Variants in AFF2 observed in about 807,000 individuals in gnomAD.
AFF2 encodes AF4/FMR2 family member 2.
AFF2 carries 14 observed loss-of-function variants against 76.9 expected under a neutral mutation model. The observed-to-expected ratio is 0.18, with a 90% CI of 0.12 to 0.28. The LOEUF is 0.28. AFF2 is among the 10% of genes least tolerant of loss of function. AFF2 has a pLI of 1.00. For missense variants in AFF2, 868 were observed against 1,001.1 expected, an observed-to-expected ratio of 0.87 and a Z score of 1.79; for synonymous variants, 398 against 366.7, an observed-to-expected ratio of 1.09 and a Z score of -0.98.
At chrX:148,987,622 A>C (rs1479545444) in intron 20 of AFF2, 65 bp downstream of exon 20, 1 of 985,043 alleles carries the variant, frequency 1.0e-6, no homozygotes, top group African/African-American at 1.9e-5. Context: ...ACTTTGAAGG[A>C]CTTGAGTTGT....
At chrX:148,710,463 T>A (rs2054953083) in intron 3 of AFF2, among the ~76,000 whole-genome samples, 1 of 111,966 alleles carries the variant, frequency 8.9e-6, no homozygotes, top group South Asian at 3.7e-4. Flanking sequence ...ATTTTATAAA[T>A]AACATAGCAT....
At chrX:148,817,602 AG>A (rs1248096317) in intron 4 of AFF2, among the ~76,000 whole-genome samples, 2 of 112,302 alleles carry the variant, frequency 1.8e-5, no homozygotes, top group African/African-American at 6.5e-5. Context: ...AAATTTGCAA[AG>A]TACTTTTTAG....
chrX:148,673,069 T>C (rs1449533358), intron 3 of AFF2, among the ~76,000 whole-genome samples: 2 of 112,166 alleles, frequency 1.8e-5, no homozygotes, highest in African/African-American at 6.5e-5. Context: ...AGACAGAATT[T>C]GTGACATTTA....
At chrX:148,734,146 TGTC>T (rs1395296388) in intron 3 of AFF2, among the ~76,000 whole-genome samples, 5 of 111,835 alleles carry the variant, frequency 4.5e-5, no homozygotes, top group Non-Finnish European at 9.4e-5. Flanking sequence ...CTCTAGTTGT[TGTC>T]TATGGATTCC....
intron 2 of AFF2, among the ~76,000 whole-genome samples, chrX:148,657,389 C>T (rs1557257258): frequency 9.0e-6 from 1 of 111,406 alleles, no homozygotes; most frequent in African/African-American, 3.3e-5. Context: ...ACATGTTAGC[C>T]ACAATAAAAT....
chrX:148,650,958 C>T (rs184360378), intron 1 of AFF2, among the ~76,000 whole-genome samples: 1 of 112,042 alleles, frequency 8.9e-6, no homozygotes, highest in East Asian at 2.8e-4. Context: ...TTATCCAACA[C>T]CTGCTAGGCA....
At chrX:148,506,594 A>G (rs145328503) in intron 1 of AFF2, among the ~76,000 whole-genome samples, 293 of 110,847 alleles carry the variant, frequency 2.6e-3, no homozygotes, top group Non-Finnish European at 4.4e-3. Flanking sequence ...ATATATATAT[A>G]TAAAGGAGAC....
At chrX:148,709,853 T>A (rs1441235528) in intron 3 of AFF2, among the ~76,000 whole-genome samples, 1 of 112,317 alleles carries the variant, frequency 8.9e-6, no homozygotes, top group African/African-American at 3.2e-5. Context: ...ATACTTGAAC[T>A]GCTGGAAGGC....
At chrX:148,655,281 T>TA (rs2054239871) in intron 2 of AFF2, among the ~76,000 whole-genome samples, 1 of 37,994 alleles carries the variant, frequency 2.6e-5, no homozygotes, top group African/African-American at 1.1e-4. Flanking sequence ...GGAAAAACCT[T>TA]GTCCTTTTTT....
chrX:148,845,635 C>A (rs936147551), intron 7 of AFF2, among the ~76,000 whole-genome samples: 1 of 112,304 alleles, frequency 8.9e-6, no homozygotes, highest in African/African-American at 3.2e-5. Flanking sequence ...TCCAACTTAT[C>A]GGCTTAGCCA....
At chrX:148,780,796 C>G (rs138340646) in intron 3 of AFF2, among the ~76,000 whole-genome samples, 1 of 111,548 alleles carries the variant, frequency 9.0e-6, no homozygotes, top group African/African-American at 3.3e-5. Context: ...CCCTTGCTGG[C>G]GAGGAGTTGT....
intron 15 of AFF2, among the ~76,000 whole-genome samples, chrX:148,969,298 C>A (rs148263556): frequency 0.015 from 1,687 of 112,496 alleles, 26 homozygotes; most frequent in South Asian, 0.067. Flanking sequence ...GTGAAAAGAT[C>A]TTAGTTATTG....
At chrX:148,963,817 G>A (rs372699440) in intron 13 of AFF2, among the ~76,000 whole-genome samples, 2 of 111,983 alleles carry the variant, frequency 1.8e-5, no homozygotes, top group African/African-American at 6.5e-5. Context: ...TAGGCCAATC[G>A]GGCTGTGGCA....
chrX:148,698,696 G>T (rs1221715447), intron 3 of AFF2, among the ~76,000 whole-genome samples: 2 of 111,328 alleles, frequency 1.8e-5, no homozygotes, highest in Non-Finnish European at 3.8e-5. Context: ...TCTGCATTGT[G>T]CTTTAAACTT....
At chrX:148,589,076 T>C (rs1279650678) in intron 1 of AFF2, among the ~76,000 whole-genome samples, 1 of 109,745 alleles carries the variant, frequency 9.1e-6, no homozygotes, top group Non-Finnish European at 1.9e-5. Context: ...GACAATCAAA[T>C]TGGCAGGCTT....
chrX:148,928,689 A>G (rs1557284069), intron 9 of AFF2, among the ~76,000 whole-genome samples: 4 of 112,298 alleles, frequency 3.6e-5, no homozygotes. Context: ...CCTGTTTGGT[A>G]TTTAATGCTG....
At chrX:148,942,695 G>A (rs1557285705) in intron 9 of AFF2, among the ~76,000 whole-genome samples, 1 of 109,870 alleles carries the variant, frequency 9.1e-6, no homozygotes, top group Non-Finnish European at 1.9e-5. Context: ...ACACACTTGT[G>A]GTCCCAGCTA....
intron 7 of AFF2, among the ~76,000 whole-genome samples, chrX:148,881,379 G>A (rs1420222384): frequency 9.0e-5 from 10 of 111,199 alleles, no homozygotes; most frequent in Admixed American, 7.6e-4. Context: ...CTGGGGGGTC[G>A]CCCTTGGTTC....
chrX:148,991,099 A>G, intron 20 of AFF2, 112 bp from the exon 21 acceptor site: 1 of 828,635 alleles, frequency 1.2e-6, no homozygotes, highest in Non-Finnish European at 1.7e-6. Flanking sequence ...CAAATGAATC[A>G]CATTTCCATT....
Sources: gnomAD v4.1 joint callset for allele counts (sites outside exome capture counted in the v4.1 genomes callset) on GRCh38, gnomAD v4.1.1 for gene constraint, MANE v1.5 for transcripts, NCBI Gene and HGNC (gene_info 2026-07-23, HGNC 2026-07-21) for gene names.